The following PTPN23 variants were observed in gnomAD, a reference collection of about 807,000 sequenced individuals.
PTPN23 encodes protein tyrosine phosphatase non-receptor type 23.
PTPN23 carries 72 observed loss-of-function variants against 156.3 expected under a neutral mutation model. The ratio of observed to expected loss-of-function variants is 0.46; its 90% CI spans 0.38 to 0.56. The LOEUF (loss-of-function observed/expected upper bound fraction) is 0.56. PTPN23 is among the 20% of genes least tolerant of loss of function. The pLI, the probability that PTPN23 is intolerant of heterozygous loss-of-function variation, is 0.00. For synonymous variants in PTPN23, 957 were observed against 899.6 expected, an observed-to-expected ratio of 1.06 and a Z score of -1.14; for missense variants, 1,974 against 2,171.5, an observed-to-expected ratio of 0.91 and a Z score of 1.81.
At chr3:47,381,581 C>T (rs867762439) in intron 1 of PTPN23, among the ~76,000 whole-genome samples, 1 of 152,150 alleles carries the variant, frequency 6.6e-6, no homozygotes, top group Non-Finnish European at 1.5e-5. Context: ...GCCCGGCCCT[C>T]GGTGCGCTGT....
Position 47,407,121 on chromosome 3 carries a change from C to T in PTPN23, c.808-9C>T. On this transcript the variant is annotated splice_polypyrimidine_tract_variant and intron_variant, in intron 9 of 24. Transcript: ENST00000265562. This position sits in a 1 kb window ranked among gnomAD's most constrained non-coding sequence, Gnocchi z 4.0. ...AGGACAGAGCAGGCTTTCCTGCCAC[C>T]CTCCACAGGTTGCATACTTCCAGAG... 1.2e-6 allele frequency: 2 copies of T among 1,613,976 alleles called. No individual in the cohort carries two copies. The highest frequency in any genetic ancestry group is 8.5e-7 in the Non-Finnish European group (1 of 1,179,952).
Position 47,410,441 on chromosome 3 carries a change from C to T in PTPN23, c.2643C>T (p.Thr881=), listed in dbSNP as rs1446023088. ...TGGCCATGGCGGTTCGGCCAGCCAC[C>T]ACCACAGTAGATAGCATCCAGGCGC... ...PELAMAVRPA[T]TTVDSIQAPI... Residue 881 remains threonine (T), a synonymous_variant, in exon 20 of 25, where the codon ACC becomes ACT. Transcript: ENST00000265562. 2 of 1,611,588 alleles carry T rather than the reference C, an allele frequency of 1.2e-6. No homozygotes were observed. Among genetic ancestry groups the T allele is most frequent in the African/African-American group, 1.3e-5 (1 of 74,820 alleles).
chr3:47,385,637 A>C (rs1381835180), intron 1 of PTPN23, among the ~76,000 whole-genome samples: 1 of 152,142 alleles, frequency 6.6e-6, no homozygotes, highest in Non-Finnish European at 1.5e-5. Context: ...AGATCACACC[A>C]CTGTACTCTA....
chr3:47,411,877 C>G lies in PTPN23; in HGVS notation c.3983C>G (p.Thr1328Ser). 5.0e-6 allele frequency: 8 copies of G among 1,613,382 alleles called. No homozygotes were observed. Among genetic ancestry groups the G allele is most frequent in the Non-Finnish European group, 5.9e-6 (7 of 1,180,016 alleles). The change falls in exon 21 of 25, where the codon ACC becomes AGC. Residue 1328 changes from threonine to serine, a missense_variant. This residue lies in a region of PTPN23 where 484 missense variants were observed against 516.0 expected (regional missense o/e 0.94). Transcript: ENST00000265562. This position sits in a 1 kb window ranked among gnomAD's most constrained non-coding sequence, Gnocchi z 6.3. ...LALSSVRSTE[T>S]HVERVLSLQF... ...TTGAGCAGCGTCCGCAGCACCGAAACCCATGTGGAGCGCGTGCTGAGCCTG... is the reference window on the plus strand; with the variant it reads ...TTGAGCAGCGTCCGCAGCACCGAAAGCCATGTGGAGCGCGTGCTGAGCCTG...
At chr3:47,382,766 G>T (rs1376633791) in intron 1 of PTPN23, among the ~76,000 whole-genome samples, 1 of 124,178 alleles carries the variant, frequency 8.1e-6, no homozygotes, top group Non-Finnish European at 1.6e-5. Context: ...TCAGCTCACT[G>T]CAAGCTCCGC....
chr3:47,404,670 C>T lies in PTPN23; in HGVS notation c.178C>T (p.Arg60Ter). 3 of 1,613,910 alleles carry T rather than the reference C, an allele frequency of 1.9e-6. No homozygotes were observed. The highest frequency in any genetic ancestry group is 1.7e-5 in the Admixed American group (1 of 60,010). Residue 60 changes from arginine (R) to a stop codon, truncating the protein, a stop_gained, in exon 3 of 25, where the codon CGA becomes TGA. Transcript: ENST00000265562. LOFTEE classifies it high-confidence loss of function. ...LLRQNAVRVP[R>*]DFEGCSVLRK... Reference sequence around the variant, plus strand: ...CCCCCAGAATGCTGTCCGTGTCCCACGAGACTTTGAGGGCTGTAGTGTCCT... The same window carrying T: ...CCCCCAGAATGCTGTCCGTGTCCCATGAGACTTTGAGGGCTGTAGTGTCCT...
rs763929662 is a variant in PTPN23 at position 47,411,521 on chromosome 3, T to TG, written c.3724dup (p.Asp1242GlyfsTer31). On this transcript the variant is annotated frameshift_variant, in exon 20 of 25. Transcript: ENST00000265562. LOFTEE classifies it high-confidence loss of function. The surrounding 1 kb of genome is among the most constrained non-coding windows in gnomAD (Gnocchi z 6.3). Reference sequence around the variant, plus strand: ...GTGTGGTGCTGCGCTCAGGCAAGGATGACTACATCAATGCCAGCTGCGTGG... The same window carrying TG: ...GTGTGGTGCTGCGCTCAGGCAAGGATGGACTACATCAATGCCAGCTGCGTGG... The TG allele has an allele frequency of 6.2e-7, 1 of 1,612,964 alleles. No homozygotes were observed. The highest frequency in any genetic ancestry group is 8.5e-7 in the Non-Finnish European group (1 of 1,179,984).
intron 2 of PTPN23, among the ~76,000 whole-genome samples, chr3:47,398,545 C>T (rs999510016): frequency 1.3e-5 from 2 of 151,942 alleles, no homozygotes; most frequent in Non-Finnish European, 2.9e-5. Flanking sequence ...CAAGAATCAG[C>T]CTGAAATGTA....
intron 1 of PTPN23, among the ~76,000 whole-genome samples, chr3:47,385,570 T>A (rs1704636476): frequency 6.6e-6 from 1 of 152,062 alleles, no homozygotes; most frequent in South Asian, 2.1e-4. Context: ...CCCAGCTACT[T>A]AGGAGGCTGA....
intron 2 of PTPN23, among the ~76,000 whole-genome samples, chr3:47,404,028 T>G (rs1705061316): frequency 6.6e-6 from 1 of 152,128 alleles, no homozygotes. Flanking sequence ...CCCAGGAGTT[T>G]GAGAACAGCC....
chr3:47,412,123 T>G lies in PTPN23; in HGVS notation c.4103T>G (p.Leu1368Arg). 4 of 1,613,162 alleles carry G rather than the reference T, an allele frequency of 2.5e-6. No homozygotes were observed. The highest frequency in any genetic ancestry group is 3.4e-6 in the Non-Finnish European group (4 of 1,180,024). Residue 1368 changes from leucine to arginine, a missense_variant, in exon 22 of 25, where the codon CTG becomes CGG. Around this residue, in one of 4 missense-constraint regions of PTPN23, gnomAD observed 484 missense variants for 516.0 expected, o/e 0.94. Coordinates refer to ENST00000265562, the MANE Select transcript of PTPN23 (RefSeq NM_015466.4). ...CTGCCCGACAGCCCCAGCAACTTGC[T>G]GCGCTTCATCCAGGAGGTGCACGCA... ...LGLPDSPSNL[L>R]RFIQEVHAHY... is the part of the protein sequence containing the mutation.
chr3:47,386,341 T>C (rs2107692016), intron 1 of PTPN23, among the ~76,000 whole-genome samples: 1 of 152,238 alleles, frequency 6.6e-6, no homozygotes, highest in Middle Eastern at 3.4e-3. Flanking sequence ...AATTTTTGTA[T>C]TTTTAATAGA....
At chr3:47,381,762 A>G (rs1234581537) in intron 1 of PTPN23, among the ~76,000 whole-genome samples, 1 of 152,196 alleles carries the variant, frequency 6.6e-6, no homozygotes, top group Admixed American at 6.5e-5. Context: ...ACCAAACAAT[A>G]CAATCCCACG....
chr3:47,395,822 G>T (rs565743049), intron 1 of PTPN23, among the ~76,000 whole-genome samples: 1 of 152,154 alleles, frequency 6.6e-6, no homozygotes, highest in African/African-American at 2.4e-5. Context: ...GCTTGAGTTC[G>T]TGACCCTTTC....
rs772897627 is a variant in PTPN23, at chr3:47,410,462, G to A, written c.2664G>A (p.Gln888=). 193 of 1,610,748 alleles carry A rather than the reference G, an allele frequency of 1.2e-4. 1 individual carries two copies. The highest frequency in any genetic ancestry group is 3.4e-6 in the Non-Finnish European group (4 of 1,179,008). ...RPATTTVDSI[Q]APIPSHTAPR... Reference sequence around the variant, plus strand: ...CCACCACCACAGTAGATAGCATCCAGGCGCCCATCCCCAGCCACACAGCCC... The same window carrying A: ...CCACCACCACAGTAGATAGCATCCAAGCGCCCATCCCCAGCCACACAGCCC... Residue 888 remains glutamine (Q), a synonymous_variant, in exon 20 of 25, where the codon CAG becomes CAA. Coordinates refer to ENST00000265562, the MANE Select transcript of PTPN23 (RefSeq NM_015466.4).
intron 3 of PTPN23, 78 bp downstream of exon 3, chr3:47,404,857 TCTC>T: frequency 2.5e-6 from 4 of 1,580,780 alleles, no homozygotes; most frequent in Admixed American, 1.8e-5. Context: ...CCTTCCCCCT[TCTC>T]CTTGCTGCAT....
chr3:47,407,518 A>G lies in PTPN23; in HGVS notation c.937A>G (p.Lys313Glu), dbSNP rs771480364. 4 of 1,614,024 alleles carry G rather than the reference A, an allele frequency of 2.5e-6. No homozygotes were observed. In the East Asian group the frequency reaches 8.9e-5, roughly 36 times the overall value. ...CCTGATCCCCAGGTACAATTCTGCC[A>G]AGAAGGACAACGACTTCATTTACCA... ...DVIGGKYNSA[K>E]KDNDFIYHEA... The change falls in exon 12 of 25, where the codon AAG (lysine) becomes GAG (glutamate). Residue 313 changes from lysine to glutamate, a missense_variant. Coordinates refer to ENST00000265562, the MANE Select transcript of PTPN23 (RefSeq NM_015466.4). The surrounding 1 kb of genome is among the most constrained non-coding windows in gnomAD (Gnocchi z 4.0).
intron 1 of PTPN23, among the ~76,000 whole-genome samples, chr3:47,382,918 G>A (rs1343238487): frequency 2.7e-5 from 4 of 150,332 alleles, no homozygotes; most frequent in East Asian, 2.0e-4. Flanking sequence ...TCGATCTCCC[G>A]ACCCGTGATC....
chr3:47,413,140 C>T lies in PTPN23; in HGVS notation c.4866C>T (p.Asp1622=). The change falls in exon 25 of 25, where the codon GAC becomes GAT. Residue 1622 remains aspartate (D), a synonymous_variant. Transcript: ENST00000265562. ...QGLRATRPSD[D]PLSLLDPLWT... ...TGCGGGCCACCCGGCCCTCTGACGA[C>T]CCCCTCAGCCTTCTGGATCCACTCT... 6.2e-7 allele frequency: 1 copy of T among 1,612,762 alleles called. No homozygotes were observed. Among genetic ancestry groups the T allele is most frequent in the South Asian group, 1.1e-5 (1 of 91,072 alleles).
Sources: allele counts gnomAD v4.1 joint callset (sites outside exome capture counted in the v4.1 genomes callset), GRCh38; gene constraint gnomAD v4.1.1; regional missense constraint gnomAD v4.1.1; non-coding constraint Gnocchi (gnomAD v3.1); transcripts MANE v1.5; gene names NCBI Gene and HGNC (gene_info 2026-07-23, HGNC 2026-07-21).